The following CCDC60 variants were observed in gnomAD, a reference collection of about 807,000 sequenced individuals.
CCDC60 encodes coiled-coil domain-containing protein 60.
CCDC60 carries 54 observed loss-of-function variants against 63.5 expected under a neutral mutation model. The ratio of observed to expected loss-of-function variants is 0.85; its 90% CI spans 0.68 to 1.07. The LOEUF is 1.07. Ranked by LOEUF, CCDC60 falls within the 50% of genes least tolerant of loss-of-function variation. CCDC60 has a pLI of 0.00. For synonymous variants in CCDC60, 206 were observed against 238.8 expected, an observed-to-expected ratio of 0.86 and a Z score of 1.27; for missense variants, 651 against 684.3, an observed-to-expected ratio of 0.95 and a Z score of 0.54.
chr12:119,377,254 C>CAAAA (rs60100165), intron 1 of CCDC60, among the ~76,000 whole-genome samples: 6 of 47,444 alleles, frequency 1.3e-4, no homozygotes, highest in African/African-American at 3.2e-4. Flanking sequence ...CACTCCATCT[C>CAAAA]AAAAAAAAAA....
At chr12:119,432,211 A>T (rs910690463) in intron 2 of CCDC60, among the ~76,000 whole-genome samples, 2 of 152,182 alleles carry the variant, frequency 1.3e-5, no homozygotes, top group African/African-American at 4.8e-5. Flanking sequence ...GACTGGTGAC[A>T]TGTAGGATCA....
At chr12:119,405,592 C>T (rs999701896) in intron 1 of CCDC60, among the ~76,000 whole-genome samples, 2 of 152,232 alleles carry the variant, frequency 1.3e-5, no homozygotes, top group African/African-American at 4.8e-5. Flanking sequence ...AAATCTTCTG[C>T]TGTAAAGCAG....
intron 1 of CCDC60, among the ~76,000 whole-genome samples, chr12:119,411,019 C>T (rs1956589421): frequency 6.6e-6 from 1 of 152,190 alleles, no homozygotes; most frequent in African/African-American, 2.4e-5. Flanking sequence ...TGGCATGAGC[C>T]ACTGCGCCCG....
intron 12 of CCDC60, 106 bp downstream of exon 12, chr12:119,528,852 T>A: frequency 8.2e-7 from 1 of 1,225,718 alleles, no homozygotes; most frequent in Non-Finnish European, 1.1e-6. Flanking sequence ...AGAGAGGCAT[T>A]ACTCCAAAAC....
chr12:119,519,918 C>A (rs930415698), intron 8 of CCDC60, among the ~76,000 whole-genome samples: 1 of 151,850 alleles, frequency 6.6e-6, no homozygotes, highest in South Asian at 2.1e-4. Context: ...CTGGGGCCCC[C>A]CTCCAGGCCT....
intron 1 of CCDC60, among the ~76,000 whole-genome samples, chr12:119,369,212 G>A (rs1282021796): frequency 6.6e-6 from 1 of 152,118 alleles, no homozygotes; most frequent in Non-Finnish European, 1.5e-5. Flanking sequence ...GCTAAATCCA[G>A]GCCTGAGAAG....
chr12:119,492,888 T>G (rs1951622004), intron 5 of CCDC60, among the ~76,000 whole-genome samples: 1 of 152,092 alleles, frequency 6.6e-6, no homozygotes, highest in African/African-American at 2.4e-5. Flanking sequence ...TAAAGAGAAG[T>G]TAGGTGTACG....
chr12:119,353,598 C>CTTTTTT (rs71072514), intron 1 of CCDC60, among the ~76,000 whole-genome samples: 160 of 68,252 alleles, frequency 2.3e-3, no homozygotes, highest in Non-Finnish European at 3.0e-3. Flanking sequence ...TCTTCTTCTT[C>CTTTTTT]TTTTTTTTTT....
chr12:119,471,750 C>A (rs117436685), intron 2 of CCDC60, among the ~76,000 whole-genome samples: 3,465 of 152,158 alleles, frequency 0.023, 62 homozygotes, highest in Non-Finnish European at 0.033. Flanking sequence ...CAATAAGAGT[C>A]AACTCATCTT....
intron 1 of CCDC60, among the ~76,000 whole-genome samples, chr12:119,335,767 G>T (rs140074274): frequency 0.019 from 2,922 of 151,762 alleles, 99 homozygotes; most frequent in African/African-American, 0.067. Context: ...CACTCTGATG[G>T]TACTTTCTTT....
chr12:119,413,635 G>T (rs1355775875), intron 1 of CCDC60, among the ~76,000 whole-genome samples: 1 of 152,188 alleles, frequency 6.6e-6, no homozygotes, highest in African/African-American at 2.4e-5. Context: ...CCTGCATGAA[G>T]ATTAGGCAGT....
At chr12:119,489,205 C>T (rs1951526326) in intron 5 of CCDC60, among the ~76,000 whole-genome samples, 1 of 152,190 alleles carries the variant, frequency 6.6e-6, no homozygotes, top group African/African-American at 2.4e-5. Flanking sequence ...AGCTTGACTG[C>T]TCTCCAACTC....
intron 2 of CCDC60, among the ~76,000 whole-genome samples, chr12:119,453,575 C>G (rs1196838422): frequency 1.3e-5 from 2 of 152,178 alleles, no homozygotes; most frequent in East Asian, 3.9e-4. Flanking sequence ...ACTAAATCCC[C>G]AAATAATTGT....
chr12:119,398,813 A>C (rs142979759), intron 1 of CCDC60, among the ~76,000 whole-genome samples: 70 of 152,344 alleles, frequency 4.6e-4, no homozygotes, highest in Middle Eastern at 3.4e-3. Flanking sequence ...TTAGGCCTTC[A>C]AGAGCTAAGG....
At position 119,500,172 on chromosome 12, in the gene CCDC60, A is replaced by G; in HGVS notation, c.648+4A>G. The G allele has an allele frequency of 1.3e-6, 2 of 1,591,558 alleles. No individual in the cohort carries two copies. The highest frequency in any genetic ancestry group is 2.2e-5 in the South Asian group (2 of 90,080). ...GCATTTCATCACAGCGCCAAAGGTA[A>G]CCAACAACACGCGACTCAACCCTTT... On this transcript the variant is annotated splice_donor_region_variant and intron_variant, in intron 6 of 13. Transcript: ENST00000327554.
intron 4 of CCDC60, among the ~76,000 whole-genome samples, chr12:119,487,272 A>T (rs1951468893): frequency 6.6e-6 from 1 of 150,954 alleles, no homozygotes; most frequent in Non-Finnish European, 1.5e-5. Context: ...TGGGAGCGGT[A>T]TATTACCTAA....
At chr12:119,389,601 A>G (rs1209414276) in intron 1 of CCDC60, among the ~76,000 whole-genome samples, 1 of 151,926 alleles carries the variant, frequency 6.6e-6, no homozygotes, top group East Asian at 1.9e-4. Context: ...CAAATACACT[A>G]CTTGTGCTCA....
chr12:119,459,202 AG>A (rs1950809374), intron 2 of CCDC60, among the ~76,000 whole-genome samples: 1 of 152,166 alleles, frequency 6.6e-6, no homozygotes, highest in Non-Finnish European at 1.5e-5. Context: ...AGTGGGGAAA[AG>A]GTATCCAGAC....
In CCDC60 at chr12:119,531,107, C is replaced by T. The variant is rs1204394311; in HGVS notation, c.1551+44C>T. 5 of 1,531,260 alleles carry T rather than the reference C, an allele frequency of 3.3e-6. 1 individual carries two copies. The South Asian group carries it at 5.8e-5, about 18-fold the overall frequency. 94.9% of individuals were successfully genotyped at this position (1,531,260 alleles called of 1,614,324 possible). ...CCCTCCACAGTGTTTCAGGTGTCCT[C>T]ATTCAATCACCTCTCAACATTCAGG... On this transcript the variant is annotated intron_variant, in intron 13 of 13. Coordinates refer to ENST00000327554, the MANE Select transcript of CCDC60 (RefSeq NM_178499.5).
Sources: gnomAD v4.1 joint callset for allele counts (sites outside exome capture counted in the v4.1 genomes callset) on GRCh38, gnomAD v4.1.1 for gene constraint, MANE v1.5 for transcripts, NCBI Gene and HGNC (gene_info 2026-07-23, HGNC 2026-07-21) for gene names.